The following ZSCAN25 variants were observed in gnomAD, a reference collection of about 807,000 sequenced individuals.
ZSCAN25 encodes the protein zinc finger and SCAN domain-containing protein 25.
ZSCAN25 carries 27 observed loss-of-function variants against 38.7 expected under a neutral mutation model. The ratio of observed to expected loss-of-function variants is 0.70; its 90% confidence interval spans 0.51 to 0.96. The LOEUF (loss-of-function observed/expected upper bound fraction) is 0.96, where lower values mean the gene tolerates loss of function less well. ZSCAN25 is among the 40% of genes least tolerant of loss of function. The probability of loss-of-function intolerance (pLI) is 0.00; values close to 1 mark genes in which losing one functional copy is unlikely to be tolerated. For synonymous variants in ZSCAN25, 273 were observed against 277.7 expected, an observed-to-expected ratio of 0.98 and a Z score of 0.17; for missense variants, 637 against 705.9, an observed-to-expected ratio of 0.90 and a Z score of 1.11.
the ZSCAN25 span, among the ~76,000 whole-genome samples, chr7:99,718,350 A>G: frequency 6.6e-6 from 1 of 152,148 alleles, no homozygotes; most frequent in South Asian, 2.1e-4. Context: ...TTTCCTCTTA[A>G]TTTTTTATTC....
intron 4 of ZSCAN25, 97 bp from the exon 5 acceptor site, chr7:99,621,276 G>T: frequency 8.8e-7 from 1 of 1,134,912 alleles, no homozygotes. Context: ...AGCTGGAATG[G>T]TTCTTTTCTT....
the ZSCAN25 span, among the ~76,000 whole-genome samples, chr7:99,645,795 A>AT: frequency 3.3e-5 from 5 of 150,404 alleles, no homozygotes; most frequent in Admixed American, 1.3e-4. Context: ...CCATTTTTTA[A>AT]TTTTTTTTTC....
chr7:99,708,299 T>C, the ZSCAN25 span, among the ~76,000 whole-genome samples: 1 of 152,218 alleles, frequency 6.6e-6, no homozygotes, highest in Non-Finnish European at 1.5e-5. Flanking sequence ...GTGATGAGAA[T>C]GACTGACAGA....
the ZSCAN25 span, among the ~76,000 whole-genome samples, chr7:99,655,025 G>A: frequency 3.3e-5 from 5 of 152,040 alleles, no homozygotes; most frequent in East Asian, 1.9e-4. Flanking sequence ...CCATTCTGTC[G>A]GTTGCCTGTT....
the ZSCAN25 span, among the ~76,000 whole-genome samples, chr7:99,669,665 C>T: frequency 2.6e-5 from 4 of 152,164 alleles, no homozygotes; most frequent in Admixed American, 2.0e-4. Context: ...ACTGACACTA[C>T]AGATACGGCA....
At chr7:99,719,740 G>A in the ZSCAN25 span, among the ~76,000 whole-genome samples, 1 of 152,132 alleles carries the variant, frequency 6.6e-6, no homozygotes, top group Non-Finnish European at 1.5e-5. Context: ...TGATCATGCT[G>A]GTCATTGCAC....
the ZSCAN25 span, among the ~76,000 whole-genome samples, chr7:99,681,811 G>C: frequency 6.6e-6 from 1 of 152,082 alleles, no homozygotes; most frequent in Non-Finnish European, 1.5e-5. Flanking sequence ...TTTTTAACTT[G>C]ATCTGATCCA....
the ZSCAN25 span, among the ~76,000 whole-genome samples, chr7:99,724,001 T>C: frequency 1.6e-3 from 251 of 152,218 alleles, 1 homozygote; most frequent in African/African-American, 5.5e-3. Context: ...AAGTACCACC[T>C]CCCCTGGGTC....
chr7:99,636,356 C>T (rs12113473), downstream of ZSCAN25, among the ~76,000 whole-genome samples: 5,654 of 152,190 alleles, frequency 0.037, 319 homozygotes, highest in African/African-American at 0.12. Flanking sequence ...ATCAAAAATC[C>T]CTCTGCACCA....
chr7:99,711,091 TC>T, the ZSCAN25 span, among the ~76,000 whole-genome samples: 2 of 152,012 alleles, frequency 1.3e-5, no homozygotes, highest in Admixed American at 6.6e-5. Context: ...AATCCAGTTT[TC>T]CCCCAATGTC....
At chr7:99,638,494 C>T in the ZSCAN25 span, 5 of 1,501,184 alleles carry the variant, frequency 3.3e-6, no homozygotes, top group South Asian at 2.3e-5. Flanking sequence ...CGGTGGCAGT[C>T]GGCACAGTCC....
At chr7:99,710,637 T>A in the ZSCAN25 span, 1 of 1,595,658 alleles carries the variant, frequency 6.3e-7, no homozygotes, top group Admixed American at 1.7e-5. Flanking sequence ...CAATCATGAT[T>A]ATGCTTTTTA....
At chr7:99,645,894 G>A in the ZSCAN25 span, among the ~76,000 whole-genome samples, 2 of 151,930 alleles carry the variant, frequency 1.3e-5, no homozygotes, top group Non-Finnish European at 2.9e-5. Context: ...TGTGTTCTTG[G>A]CACCTTTGTC....
At chr7:99,717,517 T>C in the ZSCAN25 span, 1 of 1,613,552 alleles carries the variant, frequency 6.2e-7, no homozygotes, top group Admixed American at 1.7e-5. Context: ...ACCCAAGTTA[T>C]TTTCATACCT....
chr7:99,677,385 C>T, the ZSCAN25 span, among the ~76,000 whole-genome samples: 2 of 152,328 alleles, frequency 1.3e-5, no homozygotes, highest in South Asian at 4.1e-4. Context: ...CCACATGCCT[C>T]ATATGTACTT....
the ZSCAN25 span, among the ~76,000 whole-genome samples, chr7:99,653,850 G>A: frequency 6.6e-6 from 1 of 152,228 alleles, no homozygotes; most frequent in Non-Finnish European, 1.5e-5. The surrounding 1 kb of genome is among the most constrained non-coding windows in gnomAD (Gnocchi z 4.2). Flanking sequence ...GAGGGTTAGA[G>A]TTTAGCTCAG....
the ZSCAN25 span, among the ~76,000 whole-genome samples, chr7:99,696,401 G>A: frequency 6.6e-6 from 1 of 152,030 alleles, no homozygotes; most frequent in Non-Finnish European, 1.5e-5. Flanking sequence ...TTAGGATCTG[G>A]CCCTTCTTAA....
the ZSCAN25 span, among the ~76,000 whole-genome samples, chr7:99,678,384 G>A: frequency 6.6e-6 from 1 of 152,174 alleles, no homozygotes. Context: ...CTTTGCTATC[G>A]TCACTGGCTC....
the ZSCAN25 span, among the ~76,000 whole-genome samples, chr7:99,723,962 A>T: frequency 6.6e-6 from 1 of 152,100 alleles, no homozygotes; most frequent in Non-Finnish European, 1.5e-5. Context: ...CACTGTGGGG[A>T]TGCCTGCCTT....
Sources: allele counts gnomAD v4.1 joint callset (sites outside exome capture counted in the v4.1 genomes callset), GRCh38; gene constraint gnomAD v4.1.1; non-coding constraint Gnocchi (gnomAD v3.1); transcripts MANE v1.5; gene names NCBI Gene and HGNC (gene_info 2026-07-23, HGNC 2026-07-21).